GBE1: variants seen among roughly 807,000 people sequenced by gnomAD.
GBE1 encodes the protein 1,4-alpha-glucan-branching enzyme.
Under a neutral mutation model 88.8 loss-of-function variants are expected in GBE1, and 70 were observed. The ratio of observed to expected loss-of-function variants is 0.79; its 90% CI spans 0.65 to 0.96. The LOEUF is 0.96. Among genes scored for constraint, GBE1 ranks in the 40% least tolerant of loss-of-function variants. The probability of loss-of-function intolerance (pLI) is 0.00; values close to 1 mark genes in which losing one functional copy is unlikely to be tolerated. For synonymous variants in GBE1, 284 were observed against 300.1 expected (o/e 0.95, Z 0.56); for missense variants, 872 against 871.0 (o/e 1.00, Z -0.01).
At chr3:81,620,623 C>A (rs1023060021) in intron 7 of GBE1, among the ~76,000 whole-genome samples, 1 of 151,992 alleles carries the variant, frequency 6.6e-6, no homozygotes, top group Non-Finnish European at 1.5e-5. Flanking sequence ...AAAGGCAAGT[C>A]GCTGAAATGA....
chr3:81,735,195 A>G (rs1706242588), intron 1 of GBE1, among the ~76,000 whole-genome samples: 1 of 152,176 alleles, frequency 6.6e-6, no homozygotes, highest in South Asian at 2.1e-4. Flanking sequence ...AAAGCAACTA[A>G]GAGTCACTCT....
At chr3:81,745,337 T>A (rs1706406592) in intron 1 of GBE1, among the ~76,000 whole-genome samples, 1 of 152,180 alleles carries the variant, frequency 6.6e-6, no homozygotes, top group Non-Finnish European at 1.5e-5. Context: ...AAATTTGAAA[T>A]ACATACTTAT....
chr3:81,649,946 G>A, intron 3 of GBE1, 25 bp from the exon 4 acceptor site: 4 of 1,574,800 alleles, frequency 2.5e-6, no homozygotes, highest in Non-Finnish European at 3.5e-6. Flanking sequence ...ACATGTTATT[G>A]CTTTAAAATA....
intron 1 of GBE1, among the ~76,000 whole-genome samples, chr3:81,737,352 T>A (rs1236535960): frequency 5.9e-4 from 49 of 82,672 alleles, no homozygotes; most frequent in Middle Eastern, 5.1e-3. Context: ...TTTATATAAA[T>A]ATATATTTAT....
intron 14 of GBE1, among the ~76,000 whole-genome samples, chr3:81,534,203 A>G (rs556628018): frequency 6.6e-6 from 1 of 151,880 alleles, no homozygotes; most frequent in East Asian, 1.9e-4. Flanking sequence ...CTAGGTCCTG[A>G]ATCTGTCATT....
At chr3:81,558,452 G>A (rs901938494) in intron 12 of GBE1, among the ~76,000 whole-genome samples, 7 of 151,950 alleles carry the variant, frequency 4.6e-5, no homozygotes, top group African/African-American at 1.5e-4. Context: ...AATTCTGGTT[G>A]TTATAAAATA....
At chr3:81,565,401 A>G (rs531601004) in intron 12 of GBE1, among the ~76,000 whole-genome samples, 1 of 152,168 alleles carries the variant, frequency 6.6e-6, no homozygotes, top group Non-Finnish European at 1.5e-5. Context: ...ATTCCTATCT[A>G]TCAGAAAAAT....
chr3:81,694,446 C>T (rs1403098119), intron 2 of GBE1, among the ~76,000 whole-genome samples: 2 of 152,156 alleles, frequency 1.3e-5, no homozygotes, highest in Non-Finnish European at 2.9e-5. Context: ...CTTCAAGAGG[C>T]ACAGCCTTAC....
chr3:81,663,182 G>A (rs972366685), intron 3 of GBE1, among the ~76,000 whole-genome samples: 2 of 152,164 alleles, frequency 1.3e-5, no homozygotes, highest in African/African-American at 4.8e-5. Context: ...ACCTAGGTGA[G>A]GACAAGCACT....
chr3:81,509,817 C>A (rs1702701525), intron 14 of GBE1, among the ~76,000 whole-genome samples: 1 of 151,832 alleles, frequency 6.6e-6, no homozygotes, highest in South Asian at 2.1e-4. Flanking sequence ...ATCACAATTC[C>A]ATTTCATTAT....
intron 14 of GBE1, among the ~76,000 whole-genome samples, chr3:81,515,108 G>A (rs1395595165): frequency 6.6e-6 from 1 of 151,522 alleles, no homozygotes; most frequent in East Asian, 1.9e-4. Flanking sequence ...CACCAGCATA[G>A]CTCATTTTAT....
intron 1 of GBE1, among the ~76,000 whole-genome samples, chr3:81,742,107 A>G (rs1202215901): frequency 1.3e-5 from 2 of 151,976 alleles, no homozygotes; most frequent in Non-Finnish European, 2.9e-5. Flanking sequence ...CATTATAGCC[A>G]ATTTCAGACC....
chr3:81,622,715 A>G (rs1287155106), intron 7 of GBE1, among the ~76,000 whole-genome samples: 1 of 152,172 alleles, frequency 6.6e-6, no homozygotes, highest in African/African-American at 2.4e-5. Flanking sequence ...TGGATTTGTG[A>G]ATGGCTACAG....
intron 1 of GBE1, among the ~76,000 whole-genome samples, chr3:81,737,375 ATT>A (rs1158498662): frequency 2.3e-4 from 8 of 35,004 alleles, no homozygotes; most frequent in Admixed American, 7.5e-4. Context: ...ATTTATATAT[ATT>A]TTTATATATA....
At chr3:81,493,270 A>G (rs1174093329) in intron 15 of GBE1, among the ~76,000 whole-genome samples, 2 of 152,180 alleles carry the variant, frequency 1.3e-5, no homozygotes, top group Non-Finnish European at 2.9e-5. Context: ...AAAGACCCTG[A>G]TAAGTCCAAG....
chr3:81,723,968 GCTTT>G (rs956230088), intron 1 of GBE1, among the ~76,000 whole-genome samples: 4 of 152,106 alleles, frequency 2.6e-5, no homozygotes, highest in African/African-American at 9.7e-5. Flanking sequence ...TGCTTGTTTT[GCTTT>G]CTTTGTTTTT....
chr3:81,492,063 A>T (rs1702443264), intron 15 of GBE1, among the ~76,000 whole-genome samples: 1 of 152,246 alleles, frequency 6.6e-6, no homozygotes, highest in African/African-American at 2.4e-5. Flanking sequence ...AATGAAAGTC[A>T]TCTGCAAAAG....
chr3:81,627,773 CATAT>C (rs1444966125), intron 7 of GBE1, among the ~76,000 whole-genome samples: 1 of 146,370 alleles, frequency 6.8e-6, no homozygotes, highest in Non-Finnish European at 1.5e-5. Context: ...ATATAAAAAA[CATAT>C]ATATTTGTTG....
At chr3:81,601,322 G>T (rs1165843734) in intron 7 of GBE1, among the ~76,000 whole-genome samples, 1 of 152,102 alleles carries the variant, frequency 6.6e-6, no homozygotes, top group African/African-American at 2.4e-5. Context: ...ATAGGTACAG[G>T]TGCAGCTCAA....
Sources: allele counts gnomAD v4.1 joint callset (sites outside exome capture counted in the v4.1 genomes callset), GRCh38; gene constraint gnomAD v4.1.1; transcripts MANE v1.5; gene names NCBI Gene and HGNC (gene_info 2026-07-23, HGNC 2026-07-21).